Variants in UNC119B observed in about 807,000 individuals in gnomAD.
UNC119B encodes protein unc-119 homolog B.
Under a neutral mutation model 23.4 loss-of-function variants are expected in UNC119B, and 16 were observed. The ratio of observed to expected loss-of-function variants is 0.68; its 90% CI spans 0.46 to 1.04. The LOEUF (loss-of-function observed/expected upper bound fraction) is 1.04, where lower values mean the gene tolerates loss of function less well. UNC119B is among the 50% of genes least tolerant of loss of function. The pLI is 0.00. For synonymous variants in UNC119B, 144 were observed against 145.4 expected, an observed-to-expected ratio of 0.99 and a Z score of 0.07; for missense variants, 350 against 361.3, an observed-to-expected ratio of 0.97 and a Z score of 0.25.
At position 120,715,521 on chromosome 12, in the gene UNC119B, CTTTTTTTTTTTTTTT is replaced by C. The variant is rs55906857; in HGVS notation, c.359-1092_359-1078del. ...ACATTAGAATGCTTGTTCTCTGATT[CTTTTTTTTTTTTTTT>C]TTTTTTTTTTTTTTGAGACGGAGTT... is the stretch of plus-strand genomic sequence containing the variant. On this transcript the variant is annotated intron_variant, in intron 2 of 4. Coordinates refer to ENST00000344651, the MANE Select transcript of UNC119B (RefSeq NM_001080533.3). Among the ~76,000 whole-genome samples the C allele has an allele frequency of 4.3e-4, 31 of 71,516 alleles. 1 individual carries two copies. In the South Asian group the frequency reaches 8.2e-3, roughly 19 times the overall value. The allele number at this position is 71,516 out of a possible 152,430, so 46.9% of individuals were successfully genotyped here.
In UNC119B at chr12:120,718,718, G is replaced by T. The variant is rs562869135; in HGVS notation, c.644-1202G>T. 2.0e-4 allele frequency among the ~76,000 whole-genome samples: 30 copies of T among 152,352 alleles called. 1 individual carries two copies. In the South Asian group the frequency reaches 5.0e-3, roughly 25 times the overall value. On this transcript the variant is annotated intron_variant, in intron 4 of 4. Coordinates refer to ENST00000344651, the MANE Select transcript of UNC119B (RefSeq NM_001080533.3). ...GGGAAAATTCAAGTCATTTATGAGGGTGTGAATAGAATCCTGTGACTAGTG... is the reference window on the plus strand; with the variant it reads ...GGGAAAATTCAAGTCATTTATGAGGTTGTGAATAGAATCCTGTGACTAGTG...
intron 1 of UNC119B, chr12:120,711,261 T>G (rs998727): frequency 0.39 from 59,963 of 152,320 alleles, 12,058 homozygotes; most frequent in South Asian, 0.55. Context: ...AGTGTGCAGA[T>G]GGGTTCTTCC....
rs1367538983 is a variant in UNC119B, at chr12:120,720,929, G to A, written c.*897G>A. 1 of 152,184 alleles carries A rather than the reference G, an allele frequency of 6.6e-6. No individual in the cohort carries two copies. The highest frequency in any genetic ancestry group is 1.5e-5 in the Non-Finnish European group (1 of 68,028). The allele number at this position is 152,184 out of a possible 1,614,324, so 9.4% of individuals were successfully genotyped here. A position where few individuals can be genotyped will look rare whatever the true frequency, so the allele number is the denominator to read the frequency against. On this transcript the variant is annotated 3_prime_UTR_variant, in exon 5 of 5. Transcript: ENST00000344651. ...GTGTTCCCAGCATATGTGATATGTG[G>A]TTAGACTTCTGATAGTATCAGCTTC... is the stretch of plus-strand genomic sequence containing the variant.
At chr12:120,717,918 C>G (rs1273706714) in intron 4 of UNC119B, among the ~76,000 whole-genome samples, 1 of 150,718 alleles carries the variant, frequency 6.6e-6, no homozygotes. Flanking sequence ...GTCACCCAGG[C>G]TGGAGTGCAG....
At position 120,713,534 on chromosome 12, in the gene UNC119B, A is replaced by T. The variant is rs1455113958; in HGVS notation, c.358+147A>T. ...CTTCCCGTGGCCTGGTCTGCCAGGCATGGTGGTTTGAAGCTGCGTTCAGAG... is the reference window on the plus strand; with the variant it reads ...CTTCCCGTGGCCTGGTCTGCCAGGCTTGGTGGTTTGAAGCTGCGTTCAGAG... On this transcript the variant is annotated intron_variant, in intron 2 of 4. Coordinates refer to ENST00000344651, the MANE Select transcript of UNC119B (RefSeq NM_001080533.3). 4 of 628,066 alleles carry T rather than the reference A, an allele frequency of 6.4e-6. No homozygotes were observed. The East Asian group carries it at 1.1e-4, about 17-fold the overall frequency. The allele number at this position is 628,066 out of a possible 1,614,324, so 38.9% of individuals were successfully genotyped here.
At chr12:120,715,370 C>T (rs1882754936) in intron 2 of UNC119B, among the ~76,000 whole-genome samples, 1 of 152,140 alleles carries the variant, frequency 6.6e-6, no homozygotes, top group Non-Finnish European at 1.5e-5. Flanking sequence ...TGCCCAGTCG[C>T]TCTTGGGCTT....
chr12:120,713,369 G>A lies in UNC119B; in HGVS notation c.340G>A (p.Ala114Thr). ...LETGTVLFEI[A>T]KPCVSDQEED... ...GACAGGGACAGTACTTTTTGAGATT[G>A]CCAAACCTTGCGTTTCAGGTAGGCC... The change falls in exon 2 of 5, where the codon GCC becomes ACC. Residue 114 changes from alanine (A) to threonine (T), a missense_variant. By Grantham distance (58) the Ala-to-Thr change is moderately conservative. Transcript: ENST00000344651. The A allele has an allele frequency of 1.2e-6, 2 of 1,613,914 alleles. No homozygotes were observed. Among genetic ancestry groups the A allele is most frequent in the South Asian group, 2.2e-5 (2 of 91,068 alleles).
chr12:120,723,256 G>C lies in UNC119B; in HGVS notation c.*3224G>C. 6.5e-6 allele frequency: 1 copy of C among 154,742 alleles called. No individual in the cohort carries two copies. The highest frequency in any genetic ancestry group is 5.7e-4 in the Middle Eastern group (1 of 1,768). The allele number at this position is 154,742 out of a possible 1,614,324, so 9.6% of individuals were successfully genotyped here. ...TTCACAGGACTGACTCCTCACCCCAGTGCACGAGGATTCCTGTGGCATCAG... is the reference window on the plus strand; with the variant it reads ...TTCACAGGACTGACTCCTCACCCCACTGCACGAGGATTCCTGTGGCATCAG... On this transcript the variant is annotated 3_prime_UTR_variant, in exon 5 of 5. Transcript: ENST00000344651.
Position 120,721,421 on chromosome 12 carries a change from C to G in UNC119B, c.*1389C>G, listed in dbSNP as rs1273637513. The G allele has an allele frequency of 6.6e-6, 1 of 152,250 alleles. No individual in the cohort carries two copies. Among genetic ancestry groups the G allele is most frequent in the Admixed American group, 6.5e-5 (1 of 15,282 alleles). 9.4% of individuals were successfully genotyped at this position (152,250 alleles called of 1,614,324 possible). On this transcript the variant is annotated 3_prime_UTR_variant, in exon 5 of 5. Coordinates refer to ENST00000344651, the MANE Select transcript of UNC119B (RefSeq NM_001080533.3). Reference sequence around the variant, plus strand: ...ATGTCACTAGGAAAGGCCCAGGTATCTGGTAAGTGACTGTGAGGTGTCACA... The same window carrying G: ...ATGTCACTAGGAAAGGCCCAGGTATGTGGTAAGTGACTGTGAGGTGTCACA...
At chr12:120,717,816 C>G (rs1478354158) in intron 4 of UNC119B, among the ~76,000 whole-genome samples, 6 of 151,378 alleles carry the variant, frequency 4.0e-5, no homozygotes, top group Non-Finnish European at 5.9e-5. Flanking sequence ...CCTGCCTCAT[C>G]CTCCCAAAGT....
Position 120,710,681 on chromosome 12 carries a change from G to T in UNC119B, c.207G>T (p.Arg69=). 1 of 1,447,172 alleles carries T rather than the reference G, an allele frequency of 6.9e-7. No individual in the cohort carries two copies. The highest frequency in any genetic ancestry group is 9.1e-7 in the Non-Finnish European group (1 of 1,104,526). 89.6% of individuals were successfully genotyped at this position (1,447,172 alleles called of 1,614,324 possible). A position where few individuals can be genotyped will look rare whatever the true frequency, so the allele number is the denominator to read the frequency against. ...EQELLALDTI[R]PEHVLRLSRV... is the part of the protein sequence containing the mutation. ...AGCTGCTGGCGCTGGACACCATCCG[G>T]CCCGAGCACGTCCTGCGCCTCAGCC... Residue 69 remains arginine (R), a synonymous_variant, in exon 1 of 5, where the codon CGG becomes CGT. Transcript: ENST00000344651.
chr12:120,710,516 G>A lies in UNC119B; in HGVS notation c.42G>A (p.Ala14=), dbSNP rs759087120. The change falls in exon 1 of 5, where the codon GCG becomes GCA. Residue 14 remains alanine, a synonymous_variant. Transcript: ENST00000344651. ...CGAAGGCTGCGGCCGCGGCGTCGGCGGCTGGGCCCGGGGGGCTGGTGGCTG... is the reference window on the plus strand; with the variant it reads ...CGAAGGCTGCGGCCGCGGCGTCGGCAGCTGGGCCCGGGGGGCTGGTGGCTG... ...SNPKAAAAAS[A]AGPGGLVAGK... The A allele has an allele frequency of 5.1e-6, 7 of 1,363,260 alleles. No homozygotes were observed. The African/African-American group carries it at 7.6e-5, about 15-fold the overall frequency. 84.4% of individuals were successfully genotyped at this position (1,363,260 alleles called of 1,614,324 possible). A position where few individuals can be genotyped will look rare whatever the true frequency, so the allele number is the denominator to read the frequency against.
intron 2 of UNC119B, among the ~76,000 whole-genome samples, chr12:120,714,767 C>T (rs1882736990): frequency 8.4e-6 from 1 of 118,718 alleles, no homozygotes; most frequent in African/African-American, 3.3e-5. Context: ...TTGGATTAGA[C>T]TCAAGAGTTG....
intron 1 of UNC119B, chr12:120,710,984 G>T: frequency 6.7e-6 from 2 of 298,726 alleles, no homozygotes; most frequent in Non-Finnish European, 1.2e-5. Flanking sequence ...CCCCAGCTCT[G>T]CCGGACCTGT....
Position 120,719,948 on chromosome 12 carries a change from G to C in UNC119B, c.672G>C (p.Glu224Asp). ...VIRLMIENPY[E>D]TRSDSFYFVD... Reference sequence around the variant, plus strand: ...GTCTAATGATTGAAAATCCTTACGAGACCCGCTCTGACAGCTTCTACTTTG... The same window carrying C: ...GTCTAATGATTGAAAATCCTTACGACACCCGCTCTGACAGCTTCTACTTTG... Residue 224 changes from glutamate (E) to aspartate (D), a missense_variant, in exon 5 of 5, where the codon GAG (glutamate) becomes GAC (aspartate). Coordinates refer to ENST00000344651, the MANE Select transcript of UNC119B (RefSeq NM_001080533.3). The C allele has an allele frequency of 2.5e-6, 4 of 1,614,094 alleles. No homozygotes were observed. Among genetic ancestry groups the C allele is most frequent in the Middle Eastern group, 1.6e-4 (1 of 6,062 alleles).
chr12:120,717,537 G>A (rs1882807587), intron 4 of UNC119B, among the ~76,000 whole-genome samples: 1 of 150,790 alleles, frequency 6.6e-6, no homozygotes, highest in Non-Finnish European at 1.5e-5. Context: ...GATTACAGGT[G>A]TGAGCCACTG....
chr12:120,712,352 T>C (rs1196312675), intron 1 of UNC119B, among the ~76,000 whole-genome samples: 3 of 152,234 alleles, frequency 2.0e-5, no homozygotes, highest in African/African-American at 7.2e-5. Context: ...AAGAGACAAC[T>C]TGTAAAACAC....
chr12:120,722,582 G>A lies in UNC119B; in HGVS notation c.*2550G>A, dbSNP rs981746704. ...CGGCAAAAAAACTACCTGCATAGGA[G>A]ACCCTGCCCTTTGTCAAGAGCTGGG... is the stretch of plus-strand genomic sequence containing the variant. On this transcript the variant is annotated 3_prime_UTR_variant, in exon 5 of 5. Coordinates refer to ENST00000344651, the MANE Select transcript of UNC119B (RefSeq NM_001080533.3). The A allele has an allele frequency of 6.6e-6, 1 of 152,366 alleles. No homozygotes were observed. Among genetic ancestry groups the A allele is most frequent in the Non-Finnish European group, 1.5e-5 (1 of 68,034 alleles). 9.4% of individuals were successfully genotyped at this position (152,366 alleles called of 1,614,324 possible).
chr12:120,720,461 C>T lies in UNC119B; in HGVS notation c.*429C>T, dbSNP rs1405095743. The T allele has an allele frequency of 6.3e-6, 1 of 159,156 alleles. No individual in the cohort carries two copies. The highest frequency in any genetic ancestry group is 6.4e-5 in the Admixed American group (1 of 15,580). 9.9% of individuals were successfully genotyped at this position (159,156 alleles called of 1,614,324 possible). A position where few individuals can be genotyped will look rare whatever the true frequency, so the allele number is the denominator to read the frequency against. On this transcript the variant is annotated 3_prime_UTR_variant, in exon 5 of 5. Coordinates refer to ENST00000344651, the MANE Select transcript of UNC119B (RefSeq NM_001080533.3). ...GGGAAGCTGAAAGGTAGGCCTCTTC[C>T]AGGTAGCTCCTCCTCTCACCTCCGG...
Sources: allele counts gnomAD v4.1 joint callset (sites outside exome capture counted in the v4.1 genomes callset), GRCh38; gene constraint gnomAD v4.1.1; transcripts MANE v1.5; gene names NCBI Gene and HGNC (gene_info 2026-07-23, HGNC 2026-07-21).